FBN1: variants seen among roughly 807,000 people sequenced by gnomAD.
The protein encoded by FBN1 is fibrillin-1.
A neutral mutation model predicts 365.1 loss-of-function variants in FBN1; 29 were observed. The ratio of observed to expected loss-of-function variants is 0.08; its 90% CI spans 0.06 to 0.11. FBN1 has a LOEUF of 0.11. Ranked by LOEUF, FBN1 falls within the 10% of genes least tolerant of loss-of-function variation. The pLI is 1.00. For missense variants in FBN1, 2,476 were observed against 3,703.2 expected (o/e 0.67, Z 8.60); for synonymous variants, 1,210 against 1,270.5 (o/e 0.95, Z 1.01).
intron 9 of FBN1, among the ~76,000 whole-genome samples, chr15:48,522,173 C>A (rs1024213566): frequency 6.6e-6 from 1 of 152,152 alleles, no homozygotes; most frequent in East Asian, 1.9e-4. Context: ...CATCTAATTG[C>A]AGGAAAACAA....
chr15:48,470,583 G>A (rs2043364020), intron 36 of FBN1, 51 bp downstream of exon 36: 6 of 1,612,062 alleles, frequency 3.7e-6, no homozygotes, highest in Non-Finnish European at 4.2e-6. Flanking sequence ...TCCAATAGCT[G>A]GGTCCCCCGG....
rs780163247 is a variant in FBN1, at chr15:48,644,797, G to T, written c.-28C>A. ...TGCCGAGCCGCCACCGGCTCCCGCC[G>T]CCTCTTGCCGCGCCCGGGGCTCGGT... On this transcript the variant is annotated 5_prime_UTR_variant, in exon 2 of 66. Transcript: ENST00000316623. 1 of 1,599,132 alleles carries T rather than the reference G, an allele frequency of 6.3e-7. No individual in the cohort carries two copies. Among genetic ancestry groups the T allele is most frequent in the Non-Finnish European group, 8.5e-7 (1 of 1,176,866 alleles).
chr15:48,505,476 G>A (rs2043700923), intron 15 of FBN1, among the ~76,000 whole-genome samples: 1 of 152,198 alleles, frequency 6.6e-6, no homozygotes, highest in African/African-American at 2.4e-5. Context: ...TTTGTGAAAT[G>A]TATAACCAGG....
At chr15:48,568,055 A>AGAAAGAG (rs1566928784) in intron 6 of FBN1, among the ~76,000 whole-genome samples, 12 of 145,038 alleles carry the variant, frequency 8.3e-5, no homozygotes, top group African/African-American at 2.9e-4. Context: ...GAAAGAAGAA[A>AGAAAGAG]GAAAGAAAGA....
chr15:48,552,361 C>T (rs1035849708), intron 6 of FBN1, among the ~76,000 whole-genome samples: 3 of 151,772 alleles, frequency 2.0e-5, no homozygotes, highest in African/African-American at 4.8e-5. Flanking sequence ...TATCCTCAAC[C>T]TCCTGGGCTC....
At chr15:48,413,223 G>A (rs928564643) in intron 64 of FBN1, among the ~76,000 whole-genome samples, 2 of 152,152 alleles carry the variant, frequency 1.3e-5, no homozygotes, top group Non-Finnish European at 2.9e-5. Flanking sequence ...TCAAGCTTTG[G>A]AGCAATTGCT....
chr15:48,508,797 T>G, intron 14 of FBN1, 93 bp from the exon 15 acceptor site: 1 of 1,488,918 alleles, frequency 6.7e-7, no homozygotes, highest in East Asian at 2.3e-5. Flanking sequence ...TTCTTCGTAT[T>G]TCTTTCTTTT....
At chr15:48,471,135 T>C (rs2043372156) in intron 35 of FBN1, among the ~76,000 whole-genome samples, 1 of 152,154 alleles carries the variant, frequency 6.6e-6, no homozygotes, top group South Asian at 2.1e-4. Context: ...GAATTAAAAT[T>C]TCACAAGCCA....
chr15:48,461,953 G>A (rs1427574977), intron 42 of FBN1, among the ~76,000 whole-genome samples: 1 of 152,154 alleles, frequency 6.6e-6, no homozygotes, highest in Non-Finnish European at 1.5e-5. Context: ...AGTAGATGGT[G>A]GGACAGATTT....
intron 6 of FBN1, among the ~76,000 whole-genome samples, chr15:48,579,898 C>G (rs1597615905): frequency 6.6e-6 from 1 of 152,250 alleles, no homozygotes; most frequent in African/African-American, 2.4e-5. Context: ...GTATTAACTT[C>G]CTGAAGTTAA....
At chr15:48,515,094 A>T (rs1378229412) in intron 12 of FBN1, among the ~76,000 whole-genome samples, 1 of 152,146 alleles carries the variant, frequency 6.6e-6, no homozygotes, top group Non-Finnish European at 1.5e-5. Flanking sequence ...TTGAAAATGG[A>T]GGAAGGGGTC....
chr15:48,568,196 A>C (rs1331834610), intron 6 of FBN1, among the ~76,000 whole-genome samples: 1 of 151,774 alleles, frequency 6.6e-6, no homozygotes, highest in Non-Finnish European at 1.5e-5. Context: ...CAGTATACAA[A>C]GAGCAGTCAT....
At chr15:48,522,096 G>C (rs2043862422) in intron 9 of FBN1, among the ~76,000 whole-genome samples, 1 of 152,204 alleles carries the variant, frequency 6.6e-6, no homozygotes, top group African/African-American at 2.4e-5. Flanking sequence ...GTTCTAGGTT[G>C]TGTGTTCCCA....
rs142785972 is a variant in FBN1, at chr15:48,630,290, G to A, written c.164+14316C>T. On this transcript the variant is annotated intron_variant, in intron 2 of 65. Coordinates refer to ENST00000316623, the MANE Select transcript of FBN1 (RefSeq NM_000138.5). Reference sequence around the variant, plus strand: ...AAAAAGGTTAAATTTGGGTTTTTCTGTGCATAAGTGGAAGAATTCTTATGG... The same window carrying A: ...AAAAAGGTTAAATTTGGGTTTTTCTATGCATAAGTGGAAGAATTCTTATGG... Among the ~76,000 whole-genome samples the A allele has an allele frequency of 1.3e-4, 20 of 152,318 alleles. No homozygotes were observed. In the East Asian group the frequency reaches 3.9e-3, roughly 29 times the overall value.
At chr15:48,450,573 A>T (rs1053093230) in intron 45 of FBN1, among the ~76,000 whole-genome samples, 16 of 152,314 alleles carry the variant, frequency 1.1e-4, no homozygotes, top group African/African-American at 3.6e-4. Flanking sequence ...GGAAACCACA[A>T]GGAAGTAGCT....
In FBN1 at chr15:48,422,047, T is replaced by C. The variant is rs1415885269; in HGVS notation, c.7475A>G (p.Lys2492Arg). 1.9e-6 allele frequency: 3 copies of C among 1,613,330 alleles called. No individual in the cohort carries two copies. The highest frequency in any genetic ancestry group is 2.2e-5 in the South Asian group (2 of 91,074). The change falls in exon 61 of 66, where the codon AAG becomes AGG. Residue 2492 changes from lysine to arginine, a missense_variant. Physicochemically the swap from Lys to Arg is conservative, Grantham distance 26 (BLOSUM62 2). Around this residue, in one of 5 missense-constraint regions of FBN1, gnomAD observed 1,780 missense variants for 2,840.8 expected, o/e 0.63. Transcript: ENST00000316623. ...ACATAGGAACTGGCAGTTGTGTTGC[T>C]TGGTTGCACACTCATCAAGATCTAC... ...SCKDLDECAT[K>R]QHNCQFLCVN...
At chr15:48,458,316 T>G (rs1299883950) in intron 43 of FBN1, among the ~76,000 whole-genome samples, 1 of 152,050 alleles carries the variant, frequency 6.6e-6, no homozygotes, top group East Asian at 1.9e-4. Context: ...TAGATTTATT[T>G]TAGACCCTTT....
chr15:48,477,014 A>C (rs1172374872), intron 32 of FBN1, among the ~76,000 whole-genome samples: 2 of 152,026 alleles, frequency 1.3e-5, no homozygotes, highest in Non-Finnish European at 2.9e-5. Context: ...TAACTGACTT[A>C]TAGAAATACT....
At chr15:48,601,407 G>A (rs892598013) in intron 4 of FBN1, among the ~76,000 whole-genome samples, 11 of 152,212 alleles carry the variant, frequency 7.2e-5, no homozygotes, top group Non-Finnish European at 1.0e-4. Context: ...ATGGAGGCCA[G>A]GATTGGGCTT....
Sources: gnomAD v4.1 joint callset for allele counts (sites outside exome capture counted in the v4.1 genomes callset) on GRCh38, gnomAD v4.1.1 for gene constraint, gnomAD v4.1.1 regional missense constraint, MANE v1.5 for transcripts, NCBI Gene and HGNC (gene_info 2026-07-23, HGNC 2026-07-21) for gene names.